Variants in CADPS2 observed in about 807,000 individuals in gnomAD.
The protein encoded by CADPS2 is calcium-dependent secretion activator 2.
A neutral mutation model predicts 172.5 loss-of-function variants in CADPS2; 93 were observed. That is an observed-to-expected ratio of 0.54 (90% CI 0.46 to 0.64). The LOEUF (loss-of-function observed/expected upper bound fraction) is 0.64. CADPS2 is among the 30% of genes least tolerant of loss of function. The pLI is 0.00. For synonymous variants in CADPS2, 546 were observed against 555.2 expected (o/e 0.98, Z 0.23); for missense variants, 1,420 against 1,565.9 (o/e 0.91, Z 1.57).
chr7:122,799,173 T>A (rs950790261), intron 1 of CADPS2, among the ~76,000 whole-genome samples: 1 of 152,216 alleles, frequency 6.6e-6, no homozygotes, highest in Non-Finnish European at 1.5e-5. Context: ...CTCTCACATT[T>A]GGCCAATTGC....
chr7:122,649,632 C>T (rs1360650867), intron 3 of CADPS2, among the ~76,000 whole-genome samples: 1 of 152,084 alleles, frequency 6.6e-6, no homozygotes, highest in African/African-American at 2.4e-5. Flanking sequence ...AAATCCATGC[C>T]AACTATCCAA....
intron 17 of CADPS2, among the ~76,000 whole-genome samples, chr7:122,436,677 T>C (rs2050682198): frequency 6.6e-6 from 1 of 151,988 alleles, no homozygotes; most frequent in South Asian, 2.1e-4. Flanking sequence ...TCCAGAATAT[T>C]CTTCCATTAG....
At chr7:122,823,369 A>G (rs1413004035) in intron 1 of CADPS2, among the ~76,000 whole-genome samples, 1 of 152,176 alleles carries the variant, frequency 6.6e-6, no homozygotes, top group Admixed American at 6.5e-5. Context: ...TTAGTGCATA[A>G]TATGTATACA....
chr7:122,624,098 G>C (rs2075853994), intron 4 of CADPS2, among the ~76,000 whole-genome samples: 1 of 152,086 alleles, frequency 6.6e-6, no homozygotes, highest in African/African-American at 2.4e-5. Context: ...CAGTTTTAAA[G>C]CTTTGAGGTT....
At chr7:122,636,122 G>A (rs2077043489) in intron 3 of CADPS2, among the ~76,000 whole-genome samples, 1 of 152,244 alleles carries the variant, frequency 6.6e-6, no homozygotes, top group East Asian at 1.9e-4. Context: ...TGATATGTGA[G>A]ATTTTGATCC....
chr7:122,443,083 CCATT>C (rs1276565880), intron 15 of CADPS2, among the ~76,000 whole-genome samples: 1 of 152,184 alleles, frequency 6.6e-6, no homozygotes, highest in Admixed American at 6.5e-5. Flanking sequence ...CATAATCCAT[CCATT>C]GTCTTCCCTA....
At chr7:122,450,764 G>A (rs951829531) in intron 15 of CADPS2, among the ~76,000 whole-genome samples, 4 of 151,814 alleles carry the variant, frequency 2.6e-5, no homozygotes, top group Non-Finnish European at 5.9e-5. Context: ...TGAACTCCTG[G>A]TCTCAAGTGA....
At chr7:122,741,944 C>T (rs2092497962) in intron 1 of CADPS2, among the ~76,000 whole-genome samples, 3 of 152,226 alleles carry the variant, frequency 2.0e-5, no homozygotes, top group South Asian at 4.1e-4. Context: ...TTTACCAGTT[C>T]GCTCCAATAT....
chr7:122,466,962 A>C (rs2055226067), intron 14 of CADPS2, among the ~76,000 whole-genome samples: 1 of 152,088 alleles, frequency 6.6e-6, no homozygotes, highest in Non-Finnish European at 1.5e-5. Context: ...GAAAGGCACA[A>C]TTATCTTGCT....
chr7:122,323,592 A>T (rs1414669262), intron 29 of CADPS2, among the ~76,000 whole-genome samples: 1 of 151,884 alleles, frequency 6.6e-6, no homozygotes. Flanking sequence ...CTCTTGCTTA[A>T]TCTTTAACTA....
chr7:122,505,835 T>C (rs1233742809), intron 9 of CADPS2, among the ~76,000 whole-genome samples: 1 of 151,932 alleles, frequency 6.6e-6, no homozygotes, highest in Non-Finnish European at 1.5e-5. Flanking sequence ...TTTAGTTCCT[T>C]TAATATCCCA....
intron 22 of CADPS2, among the ~76,000 whole-genome samples, chr7:122,389,361 T>C (rs11770303): frequency 0.028 from 4,212 of 152,086 alleles, 81 homozygotes; most frequent in Middle Eastern, 0.048. Flanking sequence ...GAAATGACAT[T>C]CAGGGTGCTC....
chr7:122,858,983 A>T (rs1816150298), intron 1 of CADPS2, among the ~76,000 whole-genome samples: 1 of 152,242 alleles, frequency 6.6e-6, no homozygotes, highest in African/African-American at 2.4e-5. Context: ...GTCAGGGAAC[A>T]GGGCCTGAGG....
intron 4 of CADPS2, 103 bp downstream of exon 4, chr7:122,629,145 T>C (rs1452121550): frequency 1.2e-6 from 1 of 800,534 alleles, no homozygotes; most frequent in East Asian, 2.8e-5. Context: ...GTTAAAATTA[T>C]GCTGGCTCTT....
At chr7:122,775,679 T>C (rs934490191) in intron 1 of CADPS2, among the ~76,000 whole-genome samples, 1 of 152,214 alleles carries the variant, frequency 6.6e-6, no homozygotes, top group Non-Finnish European at 1.5e-5. Context: ...CTATAAATGA[T>C]ATCTCCCCCT....
intron 1 of CADPS2, among the ~76,000 whole-genome samples, chr7:122,773,609 T>G (rs548410318): frequency 6.6e-6 from 1 of 152,098 alleles, no homozygotes; most frequent in East Asian, 1.9e-4. Flanking sequence ...CTAAAAGAGC[T>G]GTAGGATTCA....
At chr7:122,614,795 A>G (rs1428352492) in intron 6 of CADPS2, among the ~76,000 whole-genome samples, 1 of 152,228 alleles carries the variant, frequency 6.6e-6, no homozygotes, top group Non-Finnish European at 1.5e-5. Context: ...TTACATCACC[A>G]AAAACTATAA....
At chr7:122,451,079 T>A (rs2053034272) in intron 15 of CADPS2, among the ~76,000 whole-genome samples, 1 of 151,998 alleles carries the variant, frequency 6.6e-6, no homozygotes, top group Admixed American at 6.6e-5. Flanking sequence ...GGAGGAACAG[T>A]CACCAGAGCT....
chr7:122,567,701 A>G (rs2066647456), intron 7 of CADPS2, among the ~76,000 whole-genome samples: 1 of 152,166 alleles, frequency 6.6e-6, no homozygotes, highest in African/African-American at 2.4e-5. Context: ...GGGAAGAACT[A>G]GAGGTATAAT....
Sources: allele counts gnomAD v4.1 joint callset (sites outside exome capture counted in the v4.1 genomes callset), GRCh38; gene constraint gnomAD v4.1.1; transcripts MANE v1.5; gene names NCBI Gene and HGNC (gene_info 2026-07-23, HGNC 2026-07-21).